SOX6: variants seen among roughly 807,000 people sequenced by gnomAD.
SOX6 encodes the protein transcription factor SOX-6.
In SOX6, 11 loss-of-function variants were observed where a neutral mutation model predicts 97.8. The observed-to-expected ratio is 0.11, with a 90% CI of 0.07 to 0.19. The LOEUF is 0.19. SOX6 is among the 10% of genes least tolerant of loss of function. The probability of loss-of-function intolerance (pLI) is 1.00; values close to 1 mark genes in which losing one functional copy is unlikely to be tolerated. For missense variants in SOX6, 810 were observed against 1,039.5 expected (o/e 0.78, Z 3.04); for synonymous variants, 360 against 371.4 (o/e 0.97, Z 0.35).
chr11:16,640,773 T>C (rs1033912503), intron 3 of SOX6, among the ~76,000 whole-genome samples: 2 of 152,250 alleles, frequency 1.3e-5, no homozygotes, highest in Non-Finnish European at 2.9e-5. Flanking sequence ...TTATCATTTT[T>C]TATTACATCT....
At chr11:16,197,386 T>A (rs1177821168) in intron 4 of SOX6, among the ~76,000 whole-genome samples, 2 of 152,166 alleles carry the variant, frequency 1.3e-5, no homozygotes, top group Non-Finnish European at 2.9e-5. Flanking sequence ...ACAAGGGAGA[T>A]TATGTTTTTA....
Position 16,097,604 on chromosome 11 carries a change from C to G in SOX6, c.978+5G>C. ...TATCCCACATTTTTTTCTTCTGGCA[C>G]TTACCTGGAGCTGTAAAGGGCTGAG... is the stretch of plus-strand genomic sequence containing the variant. On this transcript the variant is annotated splice_donor_5th_base_variant and intron_variant, in intron 8 of 15. Transcript: ENST00000683767. The G allele has an allele frequency of 1.9e-6, 3 of 1,610,836 alleles. No individual in the cohort carries two copies. Among genetic ancestry groups the G allele is most frequent in the Non-Finnish European group, 2.5e-6 (3 of 1,177,790 alleles).
intron 6 of SOX6, among the ~76,000 whole-genome samples, chr11:16,158,016 T>C (rs1417278921): frequency 1.3e-5 from 2 of 152,020 alleles, no homozygotes; most frequent in Non-Finnish European, 2.9e-5. Flanking sequence ...TTGTTGCCAT[T>C]TACTAGACTG....
intron 1 of SOX6, among the ~76,000 whole-genome samples, chr11:16,467,447 C>T (rs113673848): frequency 0.02 from 3,033 of 152,278 alleles, 40 homozygotes; most frequent in Middle Eastern, 0.051. Flanking sequence ...CTATGGAATA[C>T]TATGCAGCCA....
chr11:16,173,038 G>A (rs531775169), intron 6 of SOX6, among the ~76,000 whole-genome samples: 3 of 151,910 alleles, frequency 2.0e-5, no homozygotes, highest in Admixed American at 6.6e-5. Flanking sequence ...CAAAGAGGAC[G>A]TATAAGTCTA....
At chr11:15,974,378 CTTTTTTTTTTTTTT>C (rs35597667) in intron 15 of SOX6, among the ~76,000 whole-genome samples, 1 of 85,658 alleles carries the variant, frequency 1.2e-5, no homozygotes, top group African/African-American at 5.0e-5. Context: ...TTAGCTCTCT[CTTTTTTTTTTTTTT>C]TTTTTTTTTT....
At chr11:16,283,479 C>T (rs1854640670) in intron 3 of SOX6, among the ~76,000 whole-genome samples, 1 of 151,430 alleles carries the variant, frequency 6.6e-6, no homozygotes, top group Admixed American at 6.6e-5. Flanking sequence ...AAATAAGTTA[C>T]CTCTAGATAG....
intron 3 of SOX6, among the ~76,000 whole-genome samples, chr11:16,663,906 A>G (rs986518216): frequency 2.0e-5 from 3 of 152,200 alleles, no homozygotes; most frequent in Non-Finnish European, 4.4e-5. Flanking sequence ...TATGCAGCAC[A>G]TTTATATTTC....
chr11:16,231,987 T>G (rs557760256), intron 4 of SOX6, among the ~76,000 whole-genome samples: 1 of 151,922 alleles, frequency 6.6e-6, no homozygotes, highest in Admixed American at 6.6e-5. Context: ...AAAAGATAAT[T>G]TCACTACCTT....
chr11:16,098,905 A>T (rs1289896394), intron 7 of SOX6, among the ~76,000 whole-genome samples: 4 of 151,646 alleles, frequency 2.6e-5, no homozygotes, highest in Non-Finnish European at 5.9e-5. Flanking sequence ...CTTCCTGGTG[A>T]CTCTGGTTCC....
At chr11:16,212,413 T>C (rs1852257269) in intron 4 of SOX6, among the ~76,000 whole-genome samples, 1 of 152,196 alleles carries the variant, frequency 6.6e-6, no homozygotes, top group Non-Finnish European at 1.5e-5. Context: ...TCAGTTTATA[T>C]AAATTTTATC....
chr11:16,074,955 C>T (rs767684229), intron 9 of SOX6, among the ~76,000 whole-genome samples: 18 of 151,984 alleles, frequency 1.2e-4, no homozygotes, highest in South Asian at 6.2e-4. Context: ...TCACATTACC[C>T]GACTACAAAC....
intron 4 of SOX6, among the ~76,000 whole-genome samples, chr11:16,542,821 T>C (rs1222439635): frequency 6.6e-6 from 1 of 152,198 alleles, no homozygotes; most frequent in Non-Finnish European, 1.5e-5. Context: ...ATTCAAAAGT[T>C]TGTTCAACAA....
intron 6 of SOX6, among the ~76,000 whole-genome samples, chr11:16,162,722 T>A (rs1011496168): frequency 2.0e-5 from 3 of 152,326 alleles, no homozygotes; most frequent in Non-Finnish European, 2.9e-5. Context: ...CTCGAGTATT[T>A]ATTTATATCA....
intron 1 of SOX6, among the ~76,000 whole-genome samples, chr11:16,343,692 T>A (rs1856702137): frequency 6.6e-6 from 1 of 151,732 alleles, no homozygotes; most frequent in Non-Finnish European, 1.5e-5. Flanking sequence ...AAATGGGGAG[T>A]GTTAATTGAA....
intron 6 of SOX6, among the ~76,000 whole-genome samples, chr11:16,117,245 C>T (rs771281633): frequency 3.3e-5 from 5 of 151,904 alleles, no homozygotes; most frequent in African/African-American, 4.8e-5. Flanking sequence ...CCCAGCTGCT[C>T]GGGAGGCTGA....
intron 6 of SOX6, among the ~76,000 whole-genome samples, chr11:16,147,071 C>T (rs1308338680): frequency 6.6e-6 from 1 of 152,146 alleles, no homozygotes; most frequent in Admixed American, 6.5e-5. Context: ...CATTGTGGCA[C>T]TATTCACAAT....
chr11:16,531,575 T>C (rs1861237086), intron 4 of SOX6, among the ~76,000 whole-genome samples: 1 of 151,874 alleles, frequency 6.6e-6, no homozygotes, highest in South Asian at 2.1e-4. Flanking sequence ...GTCTAAGGTC[T>C]ACTTGCAGCT....
In SOX6 at chr11:16,407,333, C is replaced by T. The variant is rs550862963; in HGVS notation, c.-4-66081G>A. On this transcript the variant is annotated intron_variant, in intron 1 of 15. Coordinates refer to the SOX6 transcript ENST00000396356. ...ATGCTTCCTCCAAGAGCTTTGTCTG[C>T]GAAAAACATACAAAGAAAATTGGTC... Among the ~76,000 whole-genome samples, 99 of 152,084 alleles carry T rather than the reference C, an allele frequency of 6.5e-4. 1 individual carries two copies. In the South Asian group the frequency reaches 0.02, roughly 30 times the overall value.
Sources: allele counts gnomAD v4.1 joint callset (sites outside exome capture counted in the v4.1 genomes callset), GRCh38; gene constraint gnomAD v4.1.1; transcripts MANE v1.5; gene names NCBI Gene and HGNC (gene_info 2026-07-23, HGNC 2026-07-21).